FN3K: variants seen among roughly 807,000 people sequenced by gnomAD.
FN3K encodes fructosamine 3 kinase.
FN3K carries 24 observed loss-of-function variants against 24.8 expected under a neutral mutation model. The ratio of observed to expected loss-of-function variants is 0.97; its 90% confidence interval spans 0.70 to 1.36. The LOEUF is 1.36. Among genes scored for constraint, FN3K ranks in the 40% most tolerant of loss-of-function variants. The pLI is 0.00. For synonymous variants in FN3K, 192 were observed against 175.2 expected, an observed-to-expected ratio of 1.10 and a Z score of -0.76; for missense variants, 449 against 416.7, an observed-to-expected ratio of 1.08 and a Z score of -0.67.
At chr17:82,750,327 C>A in intron 5 of FN3K, 90 bp from the exon 6 acceptor site, 1 of 1,164,600 alleles carries the variant, frequency 8.6e-7, no homozygotes, top group Non-Finnish European at 1.3e-6. Context: ...CGAAGCAGAT[C>A]GCGAGTGGGC....
intron 2 of FN3K, among the ~76,000 whole-genome samples, chr17:82,739,408 C>A (rs1451061946): frequency 6.6e-6 from 1 of 151,822 alleles, no homozygotes; most frequent in African/African-American, 2.4e-5. Flanking sequence ...CTTGTCTCAG[C>A]CTCGCGAGTG....
rs1421863443 is a variant in FN3K, at chr17:82,735,756, C to G, written c.120C>G (p.Val40=). Reference sequence around the variant, plus strand: ...ACACGGACGCAGGCCCAGTGTTCGTCAAAGTCAACCGCAGGACGCAGGTGC... The same window carrying G: ...ACACGGACGCAGGCCCAGTGTTCGTGAAAGTCAACCGCAGGACGCAGGTGC... ...AYDTDAGPVF[V]KVNRRTQARQ... Residue 40 remains valine, a synonymous_variant, in exon 1 of 6, where the codon GTC becomes GTG. Coordinates refer to ENST00000300784, the MANE Select transcript of FN3K (RefSeq NM_022158.4). 1.3e-6 allele frequency: 2 copies of G among 1,563,930 alleles called. No homozygotes were observed. The highest frequency in any genetic ancestry group is 2.4e-5 in the South Asian group (2 of 85,080).
intron 2 of FN3K, among the ~76,000 whole-genome samples, chr17:82,738,936 A>ACGTATATATATACGTG: frequency 1.0e-5 from 1 of 99,892 alleles, no homozygotes; most frequent in Non-Finnish European, 2.0e-5. Context: ...ATATATATAT[A>ACGTATATATATACGTG]TATATATATA....
At position 82,750,413 on chromosome 17, in the gene FN3K, G is replaced by A. The variant is rs754109410; in HGVS notation, c.592-4G>A. The A allele has an allele frequency of 1.2e-6, 2 of 1,613,870 alleles. No individual in the cohort carries two copies. The highest frequency in any genetic ancestry group is 1.7e-6 in the Non-Finnish European group (2 of 1,179,774). Reference sequence around the variant, plus strand: ...AGCGATAACTGCAGCCGTTGCTCTCGTAGGTGAAGATCCCGGATCTGTTTT... The same window carrying A: ...AGCGATAACTGCAGCCGTTGCTCTCATAGGTGAAGATCCCGGATCTGTTTT... On this transcript the variant is annotated splice_polypyrimidine_tract_variant and splice_region_variant and intron_variant, in intron 5 of 5. Transcript: ENST00000300784.
chr17:82,749,473 G>T, intron 5 of FN3K: 1 of 263,930 alleles, frequency 3.8e-6, no homozygotes, highest in Non-Finnish European at 7.5e-6. Flanking sequence ...AGACCAGCCT[G>T]GCCAACATGG....
At chr17:82,744,184 T>C (rs2143647374) in intron 4 of FN3K, among the ~76,000 whole-genome samples, 2 of 152,166 alleles carry the variant, frequency 1.3e-5, no homozygotes, top group Middle Eastern at 6.8e-3. Flanking sequence ...ACAGCACCCA[T>C]GTGCAGGGAG....
intron 4 of FN3K, chr17:82,745,130 T>C (rs1017956704): frequency 4.5e-5 from 7 of 157,244 alleles, no homozygotes; most frequent in African/African-American, 1.7e-4. Context: ...CGAGGCCATA[T>C]TTCAGACTGT....
chr17:82,736,523 G>C (rs3859207), intron 1 of FN3K: 75,614 of 152,078 alleles, frequency 0.5, 19,188 homozygotes, highest in South Asian at 0.68. Context: ...GCAACAAGAG[G>C]GAAACTCCGT....
At position 82,748,841 on chromosome 17, in the gene FN3K, CCCT is replaced by C. The variant is rs1422862394; in HGVS notation, c.469-13_469-11del. The C allele has an allele frequency of 1.2e-6, 2 of 1,606,290 alleles. No homozygotes were observed. Among genetic ancestry groups the C allele is most frequent in the Non-Finnish European group, 1.7e-6 (2 of 1,178,096 alleles). Reference sequence around the variant, plus strand: ...CCGAATTGCAACAGTGGCCTCTTTTCCCTTGTTGTCCAGGTGAATGAGTGGCAG... The same window carrying C: ...CCGAATTGCAACAGTGGCCTCTTTTCTGTTGTCCAGGTGAATGAGTGGCAG... On this transcript the variant is annotated splice_polypyrimidine_tract_variant and intron_variant, in intron 4 of 5. Transcript: ENST00000300784.
intron 4 of FN3K, chr17:82,742,892 G>T: frequency 2.8e-6 from 1 of 353,378 alleles, no homozygotes; most frequent in Non-Finnish European, 5.6e-6. Flanking sequence ...AGCTCTCCCT[G>T]GTGTGGGTAG....
intron 2 of FN3K, among the ~76,000 whole-genome samples, chr17:82,739,607 G>A (rs1041351703): frequency 1.3e-5 from 2 of 151,880 alleles, no homozygotes; most frequent in African/African-American, 4.8e-5. Context: ...ACAGGCGCCC[G>A]CCACCATGCC....
intron 5 of FN3K, chr17:82,749,991 G>A (rs955400642): frequency 9.3e-6 from 2 of 215,210 alleles, no homozygotes; most frequent in Non-Finnish European, 1.9e-5. Context: ...CCGGGAGGCG[G>A]AGGTTGCAGT....
Position 82,750,828 on chromosome 17 carries a change from C to T in FN3K, c.*73C>T, listed in dbSNP as rs2047019880. Reference sequence around the variant, plus strand: ...CCGTCCCTGTCCCCCCGTCCCCCGTCCCTGTGCCCCCGTCCCTGTCCCCCT... The same window carrying T: ...CCGTCCCTGTCCCCCCGTCCCCCGTTCCTGTGCCCCCGTCCCTGTCCCCCT... On this transcript the variant is annotated 3_prime_UTR_variant, in exon 6 of 6. Transcript: ENST00000300784. 8.2e-7 allele frequency: 1 copy of T among 1,213,672 alleles called. No individual in the cohort carries two copies. Among genetic ancestry groups the T allele is most frequent in the Non-Finnish European group, 1.1e-6 (1 of 883,660 alleles). 75.2% of individuals were successfully genotyped at this position (1,213,672 alleles called of 1,614,324 possible). A position where few individuals can be genotyped will look rare whatever the true frequency, so the allele number is the denominator to read the frequency against.
intron 5 of FN3K, 52 bp from the exon 6 acceptor site, chr17:82,750,365 T>G: frequency 2.0e-6 from 3 of 1,509,808 alleles, no homozygotes; most frequent in African/African-American, 1.4e-5. Flanking sequence ...AACGAGGTGA[T>G]GAGACCGGGG....
In FN3K at chr17:82,750,944, CCCG is replaced by C. The variant is rs1392302663; in HGVS notation, c.*190_*192del. 6.8e-6 allele frequency: 2 copies of C among 293,718 alleles called. No homozygotes were observed. Among genetic ancestry groups the C allele is most frequent in the African/African-American group, 1.6e-4 (2 of 12,676 alleles). 18.2% of individuals were successfully genotyped at this position (293,718 alleles called of 1,614,324 possible). On this transcript the variant is annotated 3_prime_UTR_variant, in exon 6 of 6. Coordinates refer to ENST00000300784, the MANE Select transcript of FN3K (RefSeq NM_022158.4). ...CGTCCCCGTCCCTCCATCCCTGTCC[CCCG>C]TCCCCCTGTCCCCCTGTCCACATAC...
chr17:82,750,628 C>T lies in FN3K; in HGVS notation c.803C>T (p.Pro268Leu). Residue 268 changes from proline (P) to leucine (L), a missense_variant, in exon 6 of 6, where the codon CCC becomes CTC. Transcript: ENST00000300784. Reference sequence around the variant, plus strand: ...TTCACCGCCTACCACCGGAAGATCCCCAAGGCTCCGGGCTTCGACCAGCGG... The same window carrying T: ...TTCACCGCCTACCACCGGAAGATCCTCAAGGCTCCGGGCTTCGACCAGCGG... ...SFFTAYHRKI[P>L]KAPGFDQRLL... The T allele has an allele frequency of 6.2e-7, 1 of 1,614,104 alleles. No individual in the cohort carries two copies. The highest frequency in any genetic ancestry group is 8.5e-7 in the Non-Finnish European group (1 of 1,180,000).
Position 82,750,798 on chromosome 17 carries a change from TCTCCCC to T in FN3K, c.*44_*49del, listed in dbSNP as rs2047017138. The stretch of plus-strand genomic sequence containing the variant: ...TCCCCTGTCCCCGTCCCCGTCTCCG[TCTCCCC>T]GTCCCTGTCCCCCCGTCCCCCGTCC... On this transcript the variant is annotated 3_prime_UTR_variant, in exon 6 of 6. Transcript: ENST00000300784. 2.8e-6 allele frequency: 4 copies of T among 1,440,900 alleles called. No homozygotes were observed. The highest frequency in any genetic ancestry group is 3.7e-6 in the Non-Finnish European group (4 of 1,084,646). 89.3% of individuals were successfully genotyped at this position (1,440,900 alleles called of 1,614,324 possible). A position where few individuals can be genotyped will look rare whatever the true frequency, so the allele number is the denominator to read the frequency against.
At position 82,748,749 on chromosome 17, in the gene FN3K, T is replaced by C. The variant is rs557049578; in HGVS notation, c.469-106T>C. On this transcript the variant is annotated intron_variant, in intron 4 of 5. Transcript: ENST00000300784. Reference sequence around the variant, plus strand: ...TTTTATGTTTCTGTCTTACCTCCTTTGTTGGCTTACTAGGTATCTTTGCTG... The same window carrying C: ...TTTTATGTTTCTGTCTTACCTCCTTCGTTGGCTTACTAGGTATCTTTGCTG... 304 of 1,554,552 alleles carry C rather than the reference T, an allele frequency of 2.0e-4. 1 individual carries two copies. In the African/African-American group the frequency reaches 2.6e-3, roughly 13 times the overall value.
At chr17:82,743,150 G>T (rs2046950329) in intron 4 of FN3K, among the ~76,000 whole-genome samples, 1 of 152,212 alleles carries the variant, frequency 6.6e-6, no homozygotes, top group African/African-American at 2.4e-5. Flanking sequence ...GGTGCAGCTT[G>T]TGGTCCTGTG....
Sources: gnomAD v4.1 joint callset for allele counts (sites outside exome capture counted in the v4.1 genomes callset) on GRCh38, gnomAD v4.1.1 for gene constraint, MANE v1.5 for transcripts, NCBI Gene and HGNC (gene_info 2026-07-23, HGNC 2026-07-21) for gene names.